The following CDH13 variants were observed in gnomAD, a reference collection of about 807,000 sequenced individuals.
The protein encoded by CDH13 is cadherin-13.
Under a neutral mutation model 63.8 loss-of-function variants are expected in CDH13, and 24 were observed. The observed-to-expected ratio is 0.38, with a 90% CI of 0.27 to 0.53. The LOEUF is 0.53. Among genes scored for constraint, CDH13 ranks in the 20% least tolerant of loss-of-function variants. The pLI, the probability that CDH13 is intolerant of heterozygous loss-of-function variation, is 0.85. For synonymous variants in CDH13, 503 were observed against 355.3 expected (o/e 1.42, Z -4.67); for missense variants, 1,049 against 903.1 (o/e 1.16, Z -2.07).
At chr16:83,479,702 T>A (rs551061859) in intron 6 of CDH13, among the ~76,000 whole-genome samples, 22 of 152,256 alleles carry the variant, frequency 1.4e-4, no homozygotes, top group African/African-American at 5.1e-4. Context: ...CATCCTGGCA[T>A]TGGACTTTAT....
chr16:82,915,526 C>T (rs1423265503), intron 2 of CDH13, among the ~76,000 whole-genome samples: 1 of 152,018 alleles, frequency 6.6e-6, no homozygotes, highest in Non-Finnish European at 1.5e-5. Context: ...AATACAGGGG[C>T]CCAGGGGGGA....
intron 1 of CDH13, among the ~76,000 whole-genome samples, chr16:82,772,505 G>T (rs1423473660): frequency 6.6e-6 from 1 of 152,182 alleles, no homozygotes; most frequent in Non-Finnish European, 1.5e-5. Context: ...GGATTTCAGA[G>T]CAAGGTCTCT....
At chr16:83,275,363 TAGAA>T (rs1047675676) in intron 5 of CDH13, among the ~76,000 whole-genome samples, 6 of 152,244 alleles carry the variant, frequency 3.9e-5, no homozygotes, top group Non-Finnish European at 7.3e-5. Flanking sequence ...GTCCACCTAA[TAGAA>T]AGGCAATTTT....
chr16:83,270,457 A>C (rs1567553237), intron 5 of CDH13, among the ~76,000 whole-genome samples: 1 of 152,200 alleles, frequency 6.6e-6, no homozygotes, highest in Non-Finnish European at 1.5e-5. Context: ...TTCCCTTAGT[A>C]AGCCACCCCC....
At chr16:83,330,651 G>A (rs887122266) in intron 5 of CDH13, among the ~76,000 whole-genome samples, 3 of 152,188 alleles carry the variant, frequency 2.0e-5, no homozygotes, top group Non-Finnish European at 4.4e-5. Context: ...GGCCAACTCA[G>A]TACTGAATCC....
At chr16:82,839,669 A>G (rs971915298) in intron 1 of CDH13, among the ~76,000 whole-genome samples, 1 of 152,100 alleles carries the variant, frequency 6.6e-6, no homozygotes, top group Non-Finnish European at 1.5e-5. Flanking sequence ...GGCCATCGCC[A>G]TGTGCACCTC....
At chr16:83,726,119 A>C (rs1304524696) in intron 10 of CDH13, 1 of 152,254 alleles carries the variant, frequency 6.6e-6, no homozygotes, top group Non-Finnish European at 1.5e-5. Flanking sequence ...CTTGGTCTGA[A>C]TCTTCCCACA....
chr16:82,778,040 G>A (rs911523733), intron 1 of CDH13, among the ~76,000 whole-genome samples: 4 of 152,154 alleles, frequency 2.6e-5, no homozygotes, highest in African/African-American at 4.8e-5. Context: ...CTTTAGAAGC[G>A]AGTCAGTAAG....
chr16:83,144,611 A>G (rs1316128111), intron 4 of CDH13, among the ~76,000 whole-genome samples: 10 of 152,260 alleles, frequency 6.6e-5, no homozygotes, highest in Admixed American at 6.5e-4. Context: ...TGATGATTAT[A>G]CTATGCCCAG....
In CDH13 at chr16:82,847,748, C is replaced by T. The variant is rs373427397; in HGVS notation, c.46-10614C>T. Among the ~76,000 whole-genome samples the T allele has an allele frequency of 1.5e-4, 23 of 152,288 alleles. No homozygotes were observed. In the East Asian group the frequency reaches 3.9e-3, roughly 26 times the overall value. ...CATTAAAGCTTCCCAGTGACCGTTT[C>T]TCTAGCAAAGAGCATGTGAAGGCCA... On this transcript the variant is annotated intron_variant, in intron 1 of 13. Transcript: ENST00000567109.
intron 1 of CDH13, among the ~76,000 whole-genome samples, chr16:82,675,859 T>C (rs912046355): frequency 2.0e-5 from 3 of 152,114 alleles, no homozygotes; most frequent in African/African-American, 2.4e-5. Flanking sequence ...AAGAAATGGG[T>C]ATTGCTCTTT....
chr16:83,088,199 T>C (rs984526784), intron 3 of CDH13, among the ~76,000 whole-genome samples: 15 of 152,342 alleles, frequency 9.8e-5, no homozygotes, highest in African/African-American at 3.4e-4. Flanking sequence ...GTTTAGTTTG[T>C]GTTGACACAT....
At chr16:82,928,897 A>G (rs1035364575) in intron 2 of CDH13, among the ~76,000 whole-genome samples, 1 of 152,182 alleles carries the variant, frequency 6.6e-6, no homozygotes, top group Non-Finnish European at 1.5e-5. Flanking sequence ...GTATTGATAA[A>G]GCCTCCATTT....
At chr16:83,701,255 T>C (rs1906177451) in intron 10 of CDH13, among the ~76,000 whole-genome samples, 2 of 152,200 alleles carry the variant, frequency 1.3e-5, no homozygotes, top group Admixed American at 1.3e-4. Flanking sequence ...TGTCAGGATG[T>C]TTAGGAACAG....
At chr16:83,032,263 G>A in intron 3 of CDH13, 45 bp downstream of exon 3, 1 of 1,470,308 alleles carries the variant, frequency 6.8e-7, no homozygotes, top group Non-Finnish European at 9.5e-7. Context: ...GAGGACATTA[G>A]GTTCTGTCTG....
At chr16:82,674,205 G>A (rs564623770) in intron 1 of CDH13, among the ~76,000 whole-genome samples, 2 of 152,144 alleles carry the variant, frequency 1.3e-5, no homozygotes, top group Admixed American at 1.3e-4. Context: ...AAGGCAGCCT[G>A]GTGCCCTTCC....
In CDH13 at chr16:83,245,427, A is replaced by C. The variant is rs556419301; in HGVS notation, c.636+27930A>C. On this transcript the variant is annotated intron_variant, in intron 5 of 13. Transcript: ENST00000567109. ...GCATTGACAGATAAGTGTTAAATTGAAATACTGTCTCATACTTTGATCACA... is the reference window on the plus strand; with the variant it reads ...GCATTGACAGATAAGTGTTAAATTGCAATACTGTCTCATACTTTGATCACA... Among the ~76,000 whole-genome samples, 15 of 152,362 alleles carry C rather than the reference A, an allele frequency of 9.8e-5. No individual in the cohort carries two copies. The South Asian group carries it at 2.7e-3, about 27-fold the overall frequency.
At chr16:83,316,599 TG>T (rs1029602777) in intron 5 of CDH13, among the ~76,000 whole-genome samples, 3 of 151,814 alleles carry the variant, frequency 2.0e-5, no homozygotes, top group African/African-American at 7.3e-5. Flanking sequence ...CTGCTGAGGG[TG>T]GTAAGGGGTT....
intron 4 of CDH13, among the ~76,000 whole-genome samples, chr16:83,132,452 CCT>C (rs1491517900): frequency 7.2e-5 from 7 of 96,872 alleles, no homozygotes; most frequent in Middle Eastern, 4.9e-3. Flanking sequence ...AACACCCCCC[CCT>C]TTTTTTTTTT....
Sources: allele counts gnomAD v4.1 joint callset (sites outside exome capture counted in the v4.1 genomes callset), GRCh38; gene constraint gnomAD v4.1.1; transcripts MANE v1.5; gene names NCBI Gene and HGNC (gene_info 2026-07-23, HGNC 2026-07-21).